CRACR2A: variants seen among roughly 807,000 people sequenced by gnomAD.
CRACR2A encodes calcium release activated channel regulator 2A.
Under a neutral mutation model 90.5 loss-of-function variants are expected in CRACR2A, and 79 were observed. The observed-to-expected ratio is 0.87, with a 90% confidence interval of 0.73 to 1.05. CRACR2A has a LOEUF of 1.05. Ranked by LOEUF, CRACR2A falls within the 50% of genes least tolerant of loss-of-function variation. The pLI, the probability that CRACR2A is intolerant of heterozygous loss-of-function variation, is 0.00. For synonymous variants in CRACR2A, 338 were observed against 356.7 expected, an observed-to-expected ratio of 0.95 and a Z score of 0.59; for missense variants, 823 against 897.2, an observed-to-expected ratio of 0.92 and a Z score of 1.06.
intron 10 of CRACR2A, among the ~76,000 whole-genome samples, chr12:3,652,543 A>G (rs1331743063): frequency 6.6e-6 from 1 of 152,126 alleles, no homozygotes; most frequent in Non-Finnish European, 1.5e-5. Context: ...CCAGGCAATT[A>G]GTGCCAAATG....
At chr12:3,648,733 G>T in intron 10 of CRACR2A, 120 bp from the exon 11 acceptor site, 3 of 1,407,268 alleles carry the variant, frequency 2.1e-6, no homozygotes, top group Middle Eastern at 2.6e-4. Context: ...GGAGGAACGT[G>T]GCCTCCTCCT....
rs1353310805 is a variant in CRACR2A, at chr12:3,711,102, T to C, written c.-37+2135A>G. 6.6e-6 allele frequency among the ~76,000 whole-genome samples: 1 copy of C among 152,214 alleles called. No individual in the cohort carries two copies. Among genetic ancestry groups the C allele is most frequent in the African/African-American group, 2.4e-5 (1 of 41,460 alleles). ...CAGAAAGTCCAAAATCTCATGTAAATATCATGTAAATTAGATATGGTTGAG... is the reference window on the plus strand; with the variant it reads ...CAGAAAGTCCAAAATCTCATGTAAACATCATGTAAATTAGATATGGTTGAG... On this transcript the variant is annotated intron_variant, in intron 3 of 19. Transcript: ENST00000440314. The surrounding 1 kb of genome is among the most constrained non-coding windows in gnomAD (Gnocchi z 4.3).
intron 4 of CRACR2A, among the ~76,000 whole-genome samples, chr12:3,691,916 C>T (rs7134062): frequency 0.24 from 36,330 of 152,040 alleles, 4,507 homozygotes; most frequent in Admixed American, 0.29. Flanking sequence ...TCTGAGATTC[C>T]TTCCTCTGTT....
intron 7 of CRACR2A, among the ~76,000 whole-genome samples, chr12:3,666,295 G>A (rs1213228835): frequency 6.6e-6 from 1 of 151,276 alleles, no homozygotes; most frequent in Non-Finnish European, 1.5e-5. Flanking sequence ...CAAGATATCT[G>A]GTTCTGGCAA....
intron 4 of CRACR2A, among the ~76,000 whole-genome samples, chr12:3,689,166 T>A (rs1945612808): frequency 6.6e-6 from 1 of 152,190 alleles, no homozygotes; most frequent in Non-Finnish European, 1.5e-5. Context: ...CCTCTCTTCC[T>A]AAATGGATGT....
At chr12:3,655,949 T>C (rs1483593403) in intron 9 of CRACR2A, among the ~76,000 whole-genome samples, 3 of 152,178 alleles carry the variant, frequency 2.0e-5, no homozygotes, top group Non-Finnish European at 4.4e-5. Context: ...CCCCCAGATA[T>C]AGTGGTAGAC....
intron 15 of CRACR2A, among the ~76,000 whole-genome samples, chr12:3,629,210 C>T (rs906719359): frequency 1.3e-5 from 2 of 152,002 alleles, no homozygotes; most frequent in African/African-American, 2.4e-5. Context: ...AGTCACGAGC[C>T]GTCGTGCCTT....
In CRACR2A at chr12:3,673,547, T is replaced by C; in HGVS notation, c.570A>G (p.Glu190=). The C allele has an allele frequency of 6.2e-7, 1 of 1,613,964 alleles. No homozygotes were observed. The highest frequency in any genetic ancestry group is 8.5e-7 in the Non-Finnish European group (1 of 1,180,004). The change falls in exon 7 of 20, where the codon GAA becomes GAG. Residue 190 remains glutamate (E), a synonymous_variant. Transcript: ENST00000440314. ...KQLWLQLKKE[E]PHLLSNFEDF... ...CTTCAAAGTTGGACAGTAAATGAGG[T>C]TCCTCCTTCTTCAGCTGCAACCAGA...
chr12:3,694,041 G>T (rs1945696988), intron 4 of CRACR2A, among the ~76,000 whole-genome samples: 2 of 152,248 alleles, frequency 1.3e-5, no homozygotes, highest in South Asian at 4.2e-4. Context: ...TGGAGTTGTT[G>T]GGGGCTGGGA....
At position 3,638,412 on chromosome 12, in the gene CRACR2A, TCTC is replaced by T. The variant is rs990100029; in HGVS notation, c.1311_1313del (p.Arg438del). ...GATATCCACTCAGGCCCAGGGAGCT[TCTC>T]CTTGGGATGCCAAACACCTCCTCCT... On this transcript the variant is annotated inframe_deletion, in exon 14 of 20. Coordinates refer to ENST00000440314, the MANE Select transcript of CRACR2A (RefSeq NM_001144958.2). The T allele has an allele frequency of 7.1e-6, 11 of 1,548,104 alleles. No homozygotes were observed. In the Admixed American group the frequency reaches 2.2e-4, roughly 30 times the overall value.
At chr12:3,630,082 G>A (rs1944352706) in intron 15 of CRACR2A, among the ~76,000 whole-genome samples, 1 of 152,096 alleles carries the variant, frequency 6.6e-6, no homozygotes, top group South Asian at 2.1e-4. Flanking sequence ...GCTCATTTTG[G>A]GGGGTTCTCT....
At chr12:3,666,364 T>TGTGTGCGC (rs765943563) in intron 7 of CRACR2A, among the ~76,000 whole-genome samples, 5 of 149,498 alleles carry the variant, frequency 3.3e-5, no homozygotes, top group African/African-American at 1.2e-4. Flanking sequence ...TGCGTGCGTG[T>TGTGTGCGC]GCGCGTGCGC....
intron 2 of CRACR2A, among the ~76,000 whole-genome samples, chr12:3,713,937 C>T (rs958226154): frequency 1.3e-5 from 2 of 152,148 alleles, no homozygotes; most frequent in Non-Finnish European, 2.9e-5. Flanking sequence ...AATGCTTTGG[C>T]CACATGCTGC....
intron 17 of CRACR2A, among the ~76,000 whole-genome samples, chr12:3,620,142 A>G (rs1591631861): frequency 6.6e-6 from 1 of 152,188 alleles, no homozygotes; most frequent in East Asian, 1.9e-4. Flanking sequence ...CCGGGTCTCC[A>G]CCTCCTCCCT....
chr12:3,701,331 C>A (rs777153885), intron 3 of CRACR2A, among the ~76,000 whole-genome samples: 17 of 151,236 alleles, frequency 1.1e-4, no homozygotes, highest in Non-Finnish European at 1.5e-4. Context: ...TTAAACCCAA[C>A]GTAAGGAGAA....
chr12:3,655,584 G>T (rs1461145273), intron 9 of CRACR2A, among the ~76,000 whole-genome samples: 1 of 152,230 alleles, frequency 6.6e-6, no homozygotes, highest in African/African-American at 2.4e-5. Context: ...ACCCTAGCCT[G>T]TCTCCCTCAG....
At chr12:3,642,489 A>G (rs563485379) in intron 12 of CRACR2A, among the ~76,000 whole-genome samples, 1 of 152,344 alleles carries the variant, frequency 6.6e-6, no homozygotes, top group Admixed American at 6.5e-5. Context: ...TATTGGGATT[A>G]CAGGAGTGAG....
intron 7 of CRACR2A, among the ~76,000 whole-genome samples, chr12:3,669,144 C>T (rs1945197085): frequency 6.6e-6 from 1 of 152,182 alleles, no homozygotes; most frequent in Non-Finnish European, 1.5e-5. Context: ...ATCCTTGCCC[C>T]CATACATTAC....
At chr12:3,659,776 C>A in intron 7 of CRACR2A, 122 bp from the exon 8 acceptor site, 2 of 732,124 alleles carry the variant, frequency 2.7e-6, no homozygotes, top group Non-Finnish European at 4.8e-6. Context: ...CAGCATAGGT[C>A]AGGTCAGCCA....
Sources: allele counts gnomAD v4.1 joint callset (sites outside exome capture counted in the v4.1 genomes callset), GRCh38; gene constraint gnomAD v4.1.1; non-coding constraint Gnocchi (gnomAD v3.1); transcripts MANE v1.5; gene names NCBI Gene and HGNC (gene_info 2026-07-23, HGNC 2026-07-21).